UBE2G1: variants seen among roughly 807,000 people sequenced by gnomAD.
UBE2G1 encodes ubiquitin-conjugating enzyme E2 G1.
A neutral mutation model predicts 22.7 loss-of-function variants in UBE2G1; 5 were observed. The ratio of observed to expected loss-of-function variants is 0.22; its 90% confidence interval spans 0.12 to 0.46. UBE2G1 has a LOEUF of 0.46. Ranked by LOEUF, UBE2G1 falls within the 20% of genes least tolerant of loss-of-function variation. The pLI, the probability that UBE2G1 is intolerant of heterozygous loss-of-function variation, is 0.99. For synonymous variants in UBE2G1, 74 were observed against 67.5 expected (o/e 1.10, Z -0.47); for missense variants, 88 against 203.9 (o/e 0.43, Z 3.46).
At chr17:4,355,066 C>T (rs954486014) in intron 1 of UBE2G1, among the ~76,000 whole-genome samples, 2 of 151,888 alleles carry the variant, frequency 1.3e-5, no homozygotes, top group African/African-American at 2.4e-5. Flanking sequence ...CACTCTAGTC[C>T]GGACAACAGA....
chr17:4,336,702 T>A (rs565925469), intron 1 of UBE2G1, among the ~76,000 whole-genome samples: 12 of 152,208 alleles, frequency 7.9e-5, no homozygotes, highest in African/African-American at 2.9e-4. Context: ...AATTTTTGTA[T>A]TTTTAGTAGA....
At chr17:4,332,440 G>T (rs894634731) in intron 1 of UBE2G1, among the ~76,000 whole-genome samples, 2 of 152,134 alleles carry the variant, frequency 1.3e-5, no homozygotes, top group African/African-American at 4.8e-5. Context: ...CTTCCCTATT[G>T]TATCTACTCT....
chr17:4,346,422 TTTC>T lies in UBE2G1; in HGVS notation c.46+19846_46+19848del, dbSNP rs5818953. ...GCAGTCTCATCTATACAGCTTACAT[TTTC>T]TTCTTCTTTTTTTTTTTTTTTTTTT... On this transcript the variant is annotated intron_variant, in intron 1 of 5. Coordinates refer to ENST00000396981, the MANE Select transcript of UBE2G1 (RefSeq NM_003342.5). 2.0e-4 allele frequency among the ~76,000 whole-genome samples: 28 copies of T among 140,124 alleles called. No individual in the cohort carries two copies. In the East Asian group the frequency reaches 2.4e-3, roughly 12 times the overall value. 91.9% of individuals were successfully genotyped at this position (140,124 alleles called of 152,430 possible).
chr17:4,331,369 G>A (rs1468816298), intron 1 of UBE2G1, among the ~76,000 whole-genome samples: 1 of 152,206 alleles, frequency 6.6e-6, no homozygotes, highest in Admixed American at 6.5e-5. Context: ...AAGTCAAGAT[G>A]TGGGGAATAT....
At chr17:4,301,588 G>A in intron 2 of UBE2G1, 1 of 1,319,226 alleles carries the variant, frequency 7.6e-7, no homozygotes, top group South Asian at 1.2e-5. Context: ...TTCTTTGGTG[G>A]CTTTTTAAAA....
chr17:4,319,723 GAA>G (rs536232143), intron 1 of UBE2G1, among the ~76,000 whole-genome samples: 1 of 137,906 alleles, frequency 7.3e-6, no homozygotes, highest in Non-Finnish European at 1.6e-5. Context: ...CACCTGTGTC[GAA>G]AAAAAAAAAA....
At chr17:4,301,627 C>A in intron 2 of UBE2G1, 1 of 943,666 alleles carries the variant, frequency 1.1e-6, no homozygotes, top group Middle Eastern at 2.2e-4. Flanking sequence ...TGATGGGGCA[C>A]AATTACTTTT....
chr17:4,286,110 A>C (rs1053911010), intron 4 of UBE2G1, among the ~76,000 whole-genome samples: 1 of 152,144 alleles, frequency 6.6e-6, no homozygotes, highest in Non-Finnish European at 1.5e-5. Flanking sequence ...AGAAAAAGCA[A>C]GTAAGAATAG....
At chr17:4,366,156 C>T (rs1331130624) in intron 1 of UBE2G1, 115 bp downstream of exon 1, 2 of 1,143,102 alleles carry the variant, frequency 1.7e-6, no homozygotes, top group Non-Finnish European at 2.3e-6. Flanking sequence ...TCCCCACCCT[C>T]GCAGGCCCGG....
chr17:4,299,591 T>C (rs1969150213), intron 2 of UBE2G1, among the ~76,000 whole-genome samples: 1 of 152,200 alleles, frequency 6.6e-6, no homozygotes, highest in Admixed American at 6.5e-5. Flanking sequence ...ATCCTCATCA[T>C]GAAAAACTGA....
At chr17:4,279,788 TATA>T (rs1968863392) in intron 5 of UBE2G1, among the ~76,000 whole-genome samples, 2 of 113,232 alleles carry the variant, frequency 1.8e-5, no homozygotes, top group African/African-American at 1.2e-4. Flanking sequence ...AAAAAAGTTA[TATA>T]TATATATATA....
At chr17:4,315,845 A>G (rs76988903) in intron 1 of UBE2G1, among the ~76,000 whole-genome samples, 119,864 of 125,062 alleles carry the variant, frequency 0.96, 57,800 homozygotes, top group East Asian at 1. Flanking sequence ...CTCGCTCTGT[A>G]GCCCAGGCTG....
chr17:4,328,365 C>G (rs978624979), intron 1 of UBE2G1, among the ~76,000 whole-genome samples: 2 of 152,138 alleles, frequency 1.3e-5, no homozygotes, highest in African/African-American at 4.8e-5. Context: ...ACTGGTTTTG[C>G]AAAAGCCCTT....
chr17:4,331,909 CAG>C lies in UBE2G1; in HGVS notation c.47-24788_47-24787del, dbSNP rs549685879. The C allele has an allele frequency of 8.3e-4, 127 of 152,228 alleles. 1 individual carries two copies. Among genetic ancestry groups the C allele is most frequent in the African/African-American group, 2.9e-3 (119 of 41,548 alleles). The allele number at this position is 152,228 out of a possible 1,614,324, so 9.4% of individuals were successfully genotyped here. ...AACATCTGTCATAGCAAGAAGTCAA[CAG>C]AGAATGTCTAAAGTTGATAAACCAA... On this transcript the variant is annotated intron_variant, in intron 1 of 5. Transcript: ENST00000396981.
chr17:4,327,490 GA>G (rs1317447088), intron 1 of UBE2G1, among the ~76,000 whole-genome samples: 1 of 151,726 alleles, frequency 6.6e-6, no homozygotes, highest in African/African-American at 2.4e-5. Flanking sequence ...AACAGAAAAA[GA>G]AAAGAAAATA....
At chr17:4,281,831 GAA>G (rs1459885484) in intron 5 of UBE2G1, among the ~76,000 whole-genome samples, 2 of 152,140 alleles carry the variant, frequency 1.3e-5, no homozygotes, top group Non-Finnish European at 1.5e-5. Context: ...AATGATCCCT[GAA>G]AGGATAGTCT....
intron 3 of UBE2G1, among the ~76,000 whole-genome samples, chr17:4,294,917 G>C (rs1440417204): frequency 6.6e-6 from 1 of 151,524 alleles, no homozygotes; most frequent in Non-Finnish European, 1.5e-5. Context: ...AAAAAGGACG[G>C]AATGGGAGAA....
chr17:4,278,785 G>A (rs1333191536), intron 5 of UBE2G1, among the ~76,000 whole-genome samples: 1 of 152,138 alleles, frequency 6.6e-6, no homozygotes, highest in Non-Finnish European at 1.5e-5. Flanking sequence ...GGTAGTAAAG[G>A]GGAGCACTTC....
chr17:4,344,801 C>T (rs1969750980), intron 1 of UBE2G1, among the ~76,000 whole-genome samples: 1 of 152,138 alleles, frequency 6.6e-6, no homozygotes, highest in African/African-American at 2.4e-5. Context: ...TTTGAGGCTG[C>T]AGTGAGCTAT....
Sources: gnomAD v4.1 joint callset for allele counts (sites outside exome capture counted in the v4.1 genomes callset) on GRCh38, gnomAD v4.1.1 for gene constraint, MANE v1.5 for transcripts, NCBI Gene and HGNC (gene_info 2026-07-23, HGNC 2026-07-21) for gene names.